Variants in PPP1R9A observed in about 807,000 individuals in gnomAD.
The protein encoded by PPP1R9A is neurabin-1.
Under a neutral mutation model 141.9 loss-of-function variants are expected in PPP1R9A, and 59 were observed. The observed-to-expected ratio is 0.42, with a 90% CI of 0.34 to 0.52. The LOEUF (loss-of-function observed/expected upper bound fraction) is 0.52, where lower values mean the gene tolerates loss of function less well. Ranked by LOEUF, PPP1R9A falls within the 20% of genes least tolerant of loss-of-function variation. The probability of loss-of-function intolerance (pLI) is 0.10; values close to 1 mark genes in which losing one functional copy is unlikely to be tolerated. For missense variants in PPP1R9A, 1,444 were observed against 1,611.9 expected (o/e 0.90, Z 1.78); for synonymous variants, 500 against 569.7 (o/e 0.88, Z 1.74).
At chr7:94,989,365 G>A (rs767879971) in intron 2 of PPP1R9A, among the ~76,000 whole-genome samples, 1 of 152,054 alleles carries the variant, frequency 6.6e-6, no homozygotes, top group African/African-American at 2.4e-5. Flanking sequence ...AAAGGATATT[G>A]AACTAAATTT....
intron 2 of PPP1R9A, among the ~76,000 whole-genome samples, chr7:95,085,306 C>T (rs137979338): frequency 3.2e-4 from 48 of 151,844 alleles, no homozygotes; most frequent in African/African-American, 9.9e-4. Context: ...CCCACTGTGT[C>T]GCCCAGGCTA....
chr7:95,147,871 T>G (rs572776320), intron 4 of PPP1R9A, among the ~76,000 whole-genome samples: 1 of 152,332 alleles, frequency 6.6e-6, no homozygotes. Flanking sequence ...GGATAACTTT[T>G]TTGATGTGCT....
rs1244922671 is a variant in PPP1R9A, at chr7:95,290,177, G to C, written c.3999G>C (p.Lys1333Asn). Residue 1333 changes from lysine (K) to asparagine (N), a missense_variant, in exon 20 of 20, where the codon AAG (lysine) becomes AAC (asparagine). Lys to Asn is a moderately conservative substitution (Grantham distance 94, BLOSUM62 0). Transcript: ENST00000433360. ...AGATGTCTCTAGAGAAGGCTCGGAA[G>C]GCCCAAGAGAAAATGGAAAAACAAA... ...EMKMSLEKAR[K>N]AQEKMEKQRE... The C allele has an allele frequency of 1.2e-5, 19 of 1,613,904 alleles. No individual in the cohort carries two copies. Among genetic ancestry groups the C allele is most frequent in the Non-Finnish European group, 1.5e-5 (18 of 1,180,022 alleles).
chr7:94,987,811 T>C (rs1801033234), intron 2 of PPP1R9A, among the ~76,000 whole-genome samples: 1 of 152,160 alleles, frequency 6.6e-6, no homozygotes, highest in African/African-American at 2.4e-5. Flanking sequence ...CTTACTATTA[T>C]TGTTTTTTCT....
chr7:95,231,063 A>G (rs762964984), intron 8 of PPP1R9A, among the ~76,000 whole-genome samples: 5 of 152,166 alleles, frequency 3.3e-5, no homozygotes, highest in Non-Finnish European at 7.3e-5. Flanking sequence ...GGGTGGAAAA[A>G]GATACCGTAT....
intron 7 of PPP1R9A, among the ~76,000 whole-genome samples, chr7:95,205,316 C>A (rs573656526): frequency 7.9e-5 from 12 of 152,060 alleles, no homozygotes; most frequent in South Asian, 4.2e-4. Context: ...TACGAAATAC[C>A]AAATAAACTT....
At chr7:95,278,105 G>A (rs1803528165) in intron 16 of PPP1R9A, among the ~76,000 whole-genome samples, 1 of 152,216 alleles carries the variant, frequency 6.6e-6, no homozygotes, top group African/African-American at 2.4e-5. Context: ...GGAATCCAAG[G>A]TAGTAGTCCT....
intron 2 of PPP1R9A, among the ~76,000 whole-genome samples, chr7:94,982,790 A>G (rs1295170578): frequency 6.6e-6 from 1 of 151,840 alleles, no homozygotes; most frequent in Non-Finnish European, 1.5e-5. Flanking sequence ...GTTCACTCTG[A>G]TGGTAGTTTC....
At chr7:95,106,978 C>T (rs1439910023) in intron 2 of PPP1R9A, among the ~76,000 whole-genome samples, 3 of 152,096 alleles carry the variant, frequency 2.0e-5, no homozygotes, top group East Asian at 1.9e-4. Context: ...GATGGGGTTT[C>T]GCCATGTTGG....
At chr7:95,105,372 T>A (rs1372028343) in intron 2 of PPP1R9A, among the ~76,000 whole-genome samples, 1 of 152,258 alleles carries the variant, frequency 6.6e-6, no homozygotes, top group Non-Finnish European at 1.5e-5. Context: ...TTGCTAACCG[T>A]GTTTGTAAAC....
rs539241702 is a variant in PPP1R9A at position 95,229,941 on chromosome 7, GTGCTGGTATCCATGGC to G, written c.2112+3827_2112+3842del. Among the ~76,000 whole-genome samples the G allele has an allele frequency of 1.2e-4, 19 of 152,256 alleles. 1 individual carries two copies. In the South Asian group the frequency reaches 3.7e-3, roughly 30 times the overall value. ...TCCCTTGCTACCTCCATCAAAGCAG[GTGCTGGTATCCATGGC>G]TACAAGACCTGAAGATGAATCACAT... On this transcript the variant is annotated intron_variant, in intron 8 of 19. Transcript: ENST00000433360.
chr7:95,172,076 A>C (rs945780206), intron 5 of PPP1R9A, among the ~76,000 whole-genome samples: 1 of 151,678 alleles, frequency 6.6e-6, no homozygotes, highest in South Asian at 2.1e-4. Flanking sequence ...AGCTCTCAGG[A>C]AACTTGAAAT....
At chr7:95,230,823 C>G (rs559853672) in intron 8 of PPP1R9A, among the ~76,000 whole-genome samples, 1 of 152,082 alleles carries the variant, frequency 6.6e-6, no homozygotes, top group African/African-American at 2.4e-5. Flanking sequence ...ATAAATCTCA[C>G]AGGACCTTTA....
chr7:95,125,376 G>C (rs1823381649), intron 4 of PPP1R9A, among the ~76,000 whole-genome samples: 1 of 151,926 alleles, frequency 6.6e-6, no homozygotes. Flanking sequence ...TAATTTAGTT[G>C]AATGATATGA....
chr7:95,229,189 C>T (rs1795558148), intron 8 of PPP1R9A, among the ~76,000 whole-genome samples: 1 of 151,852 alleles, frequency 6.6e-6, no homozygotes, highest in Non-Finnish European at 1.5e-5. Context: ...GACAGAACAG[C>T]ATGTGGAGAC....
intron 18 of PPP1R9A, among the ~76,000 whole-genome samples, chr7:95,288,225 T>C (rs1173902147): frequency 6.6e-6 from 1 of 152,262 alleles, no homozygotes; most frequent in African/African-American, 2.4e-5. Context: ...GAAATATTTA[T>C]TTTCTACATC....
intron 8 of PPP1R9A, among the ~76,000 whole-genome samples, chr7:95,240,566 T>C (rs909390373): frequency 6.6e-6 from 1 of 152,044 alleles, no homozygotes; most frequent in Non-Finnish European, 1.5e-5. Flanking sequence ...TTTTTGTTAA[T>C]TTTTTATTGG....
At chr7:95,087,606 G>T (rs1816796130) in intron 2 of PPP1R9A, among the ~76,000 whole-genome samples, 1 of 151,902 alleles carries the variant, frequency 6.6e-6, no homozygotes, top group South Asian at 2.1e-4. Flanking sequence ...TGGATAAGAA[G>T]AATCATGGGC....
chr7:95,137,215 C>G (rs1825811091), intron 4 of PPP1R9A, among the ~76,000 whole-genome samples: 1 of 150,632 alleles, frequency 6.6e-6, no homozygotes, highest in Non-Finnish European at 1.5e-5. Flanking sequence ...GGTATATCTC[C>G]TAATGCTATC....
Sources: gnomAD v4.1 joint callset for allele counts (sites outside exome capture counted in the v4.1 genomes callset) on GRCh38, gnomAD v4.1.1 for gene constraint, MANE v1.5 for transcripts, NCBI Gene and HGNC (gene_info 2026-07-23, HGNC 2026-07-21) for gene names.